Variants in SCNN1B observed in about 807,000 individuals in gnomAD.
The protein encoded by SCNN1B is epithelial sodium channel subunit beta.
In SCNN1B, 46 loss-of-function variants were observed where a neutral mutation model predicts 65.3. The ratio of observed to expected loss-of-function variants is 0.70; its 90% CI spans 0.56 to 0.90. SCNN1B has a LOEUF of 0.90. SCNN1B is among the 40% of genes least tolerant of loss of function. SCNN1B has a pLI of 0.00. For synonymous variants in SCNN1B, 349 were observed against 330.6 expected (o/e 1.06, Z -0.60); for missense variants, 751 against 830.5 (o/e 0.90, Z 1.18).
At chr16:23,371,002 G>GTGTGAGGTGGGGTGT (rs1962770710) in intron 5 of SCNN1B, among the ~76,000 whole-genome samples, 1 of 152,342 alleles carries the variant, frequency 6.6e-6, no homozygotes, top group East Asian at 1.9e-4. Context: ...AGGTGGGGTG[G>GTGTGAGGTGGGGTGT]CATGGGTGGG....
intron 1 of SCNN1B, among the ~76,000 whole-genome samples, chr16:23,281,328 G>T (rs1960780959): frequency 6.6e-6 from 1 of 152,178 alleles, no homozygotes; most frequent in Admixed American, 6.6e-5. Flanking sequence ...AGCTATTCCG[G>T]AGGCTGAGGC....
rs576918759 is a variant in SCNN1B at position 23,295,929 on chromosome 16, G to A, written n.178+12125G>A. Among the ~76,000 whole-genome samples the A allele has an allele frequency of 1.2e-4, 19 of 152,244 alleles. No homozygotes were observed. In the South Asian group the frequency reaches 1.7e-3, roughly 13 times the overall value. ...GATTAAATTTTTAGTCTGAGCGAGC[G>A]GGAAGAGAAAAATGGAAAAGTATGC... is the stretch of plus-strand genomic sequence containing the variant. On this transcript the variant is annotated intron_variant and non_coding_transcript_variant, in intron 2 of 3. Coordinates refer to the SCNN1B transcript ENST00000569789.
chr16:23,355,557 G>C (rs1258202054), intron 4 of SCNN1B, 68 bp downstream of exon 4: 1 of 1,515,568 alleles, frequency 6.6e-7, no homozygotes, highest in East Asian at 2.3e-5. Flanking sequence ...TTACGGTTGG[G>C]AGCACAGCCT....
chr16:23,298,193 T>C (rs1961024522), upstream of SCNN1B, among the ~76,000 whole-genome samples: 1 of 152,242 alleles, frequency 6.6e-6, no homozygotes. Flanking sequence ...TTCATCTGAC[T>C]GTGCCATAAT....
chr16:23,357,829 G>T (rs1962451446), intron 4 of SCNN1B, among the ~76,000 whole-genome samples: 1 of 152,152 alleles, frequency 6.6e-6, no homozygotes, highest in African/African-American at 2.4e-5. Flanking sequence ...CTTGGCCAGG[G>T]TCCTTTGCTC....
intron 7 of SCNN1B, among the ~76,000 whole-genome samples, chr16:23,373,064 G>C (rs970699730): frequency 6.6e-6 from 1 of 152,050 alleles, no homozygotes; most frequent in Non-Finnish European, 1.5e-5. Flanking sequence ...CTGATATCAC[G>C]CCACTGCACT....
intron 4 of SCNN1B, among the ~76,000 whole-genome samples, chr16:23,362,995 C>T (rs969572436): frequency 6.6e-6 from 1 of 152,164 alleles, no homozygotes; most frequent in African/African-American, 2.4e-5. Context: ...TCCTCCCTAC[C>T]CTGTAGACTT....
chr16:23,328,972 A>AT (rs948792618), intron 1 of SCNN1B, among the ~76,000 whole-genome samples: 19 of 150,140 alleles, frequency 1.3e-4, no homozygotes, highest in East Asian at 2.0e-4. Context: ...ATTTTTTAAG[A>AT]TTTTTTTTGT....
chr16:23,302,730 CAT>C (rs1215792553), intron 1 of SCNN1B, among the ~76,000 whole-genome samples: 1 of 152,138 alleles, frequency 6.6e-6, no homozygotes, highest in African/African-American at 2.4e-5. Context: ...AAAGTCCTGG[CAT>C]AGAGTGGGCG....
At chr16:23,364,864 G>A (rs1298363236) in intron 4 of SCNN1B, among the ~76,000 whole-genome samples, 5 of 151,766 alleles carry the variant, frequency 3.3e-5, no homozygotes, top group African/African-American at 1.2e-4. Context: ...GGTGGCTCAC[G>A]CCTGTAATCC....
chr16:23,309,413 TA>T (rs1961291939), intron 1 of SCNN1B, among the ~76,000 whole-genome samples: 2 of 86,278 alleles, frequency 2.3e-5, no homozygotes, highest in East Asian at 3.9e-4. Flanking sequence ...TAAATGATGA[TA>T]GATAGATAGA....
rs116385723 is a variant in SCNN1B, at chr16:23,295,166, C to T, written n.178+11362C>T. On this transcript the variant is annotated intron_variant and non_coding_transcript_variant, in intron 2 of 3. Coordinates refer to the SCNN1B transcript ENST00000569789. ...GGGTAGGAGTTTTTGCCTTGTTGAC[C>T]GGTGTATCTCTAGTGCCCAGAACAC... Among the ~76,000 whole-genome samples, 754 of 152,128 alleles carry T rather than the reference C, an allele frequency of 5.0e-3. 14 individuals are homozygous for T. The highest frequency in any genetic ancestry group is 0.045 in the East Asian group (232 of 5,182).
chr16:23,370,188 C>A (rs189825524), intron 5 of SCNN1B, among the ~76,000 whole-genome samples: 3 of 152,178 alleles, frequency 2.0e-5, no homozygotes, highest in Non-Finnish European at 4.4e-5. Context: ...TCACTACAAC[C>A]TCTGTCTCCC....
rs867593751 is a variant in SCNN1B at position 23,360,229 on chromosome 16, C to T, written c.776+4740C>T. On this transcript the variant is annotated intron_variant, in intron 4 of 12. Transcript: ENST00000343070. ...ATAAATAAATAAATAAATAAATAAA[C>T]AAATAAATAAATAAATAAAAAGGCT... 2.1e-3 allele frequency among the ~76,000 whole-genome samples: 242 copies of T among 116,032 alleles called. 1 individual carries two copies. The highest frequency in any genetic ancestry group is 7.2e-3 in the African/African-American group (216 of 29,902). The allele number at this position is 116,032 out of a possible 152,430, so 76.1% of individuals were successfully genotyped here.
rs1303517044 is a variant in SCNN1B at position 23,380,025 on chromosome 16, C to T, written c.1467-69C>T. ...GCATGTGTGTGCATGTGTCTATGTG[C>T]GTGTGTGTGTGTCTGTCTGTTTGGA... On this transcript the variant is annotated intron_variant, in intron 11 of 12. Transcript: ENST00000343070. The surrounding 1 kb of genome is among the most constrained non-coding windows in gnomAD (Gnocchi z 5.4). The T allele has an allele frequency of 1.9e-5, 21 of 1,128,630 alleles. No individual in the cohort carries two copies. Among genetic ancestry groups the T allele is most frequent in the South Asian group, 3.7e-5 (3 of 81,006 alleles). The allele number at this position is 1,128,630 out of a possible 1,614,324, so 69.9% of individuals were successfully genotyped here. A position where few individuals can be genotyped will look rare whatever the true frequency, so the allele number is the denominator to read the frequency against.
intron 7 of SCNN1B, 51 bp downstream of exon 7, chr16:23,371,934 G>A: frequency 7.6e-7 from 1 of 1,308,100 alleles, no homozygotes; most frequent in African/African-American, 1.4e-5. Flanking sequence ...CCGGGTTTAT[G>A]GGGCCAAGGC....
At chr16:23,284,785 G>A (rs1213341546) in intron 2 of SCNN1B, among the ~76,000 whole-genome samples, 1 of 152,196 alleles carries the variant, frequency 6.6e-6, no homozygotes, top group East Asian at 1.9e-4. Flanking sequence ...TTCTGCCAAG[G>A]AATGCAAGTT....
In SCNN1B at chr16:23,305,579, A is replaced by AT. The variant is rs1567290504; in HGVS notation, c.-9+3143dup. On this transcript the variant is annotated intron_variant, in intron 1 of 12. Transcript: ENST00000343070. ...ATATATATATATATATATATATATT[A>AT]TATATATATATATATATATAACCTG... 3.1e-4 allele frequency among the ~76,000 whole-genome samples: 7 copies of AT among 22,572 alleles called. No homozygotes were observed. The African/African-American group carries it at 3.8e-3, about 12-fold the overall frequency. The allele number at this position is 22,572 out of a possible 152,430, so 14.8% of individuals were successfully genotyped here.
Position 23,371,432 on chromosome 16 carries a change from G to C in SCNN1B, c.1014G>C (p.Ser338=). ...FIRDEGIYAM[S]GTETSIGVLV... ...GAGATGAGGGCATCTACGCCATGTC[G>C]GGGACAGAGACGTCCATCGGGGTAC... Residue 338 remains serine (S), a synonymous_variant, in exon 6 of 13, where the codon TCG becomes TCC. Transcript: ENST00000343070. 3 of 1,614,094 alleles carry C rather than the reference G, an allele frequency of 1.9e-6. No homozygotes were observed. Among genetic ancestry groups the C allele is most frequent in the South Asian group, 2.2e-5 (2 of 91,078 alleles).
Sources: gnomAD v4.1 joint callset for allele counts (sites outside exome capture counted in the v4.1 genomes callset) on GRCh38, gnomAD v4.1.1 for gene constraint, Gnocchi (gnomAD v3.1) non-coding constraint, MANE v1.5 for transcripts, NCBI Gene and HGNC (gene_info 2026-07-23, HGNC 2026-07-21) for gene names.